KAZN: variants seen among roughly 807,000 people sequenced by gnomAD.
The protein encoded by KAZN is kazrin, periplakin interacting protein.
In KAZN, 40 loss-of-function variants were observed where a neutral mutation model predicts 87.4. The observed-to-expected ratio is 0.46, with a 90% CI of 0.36 to 0.60. KAZN has a LOEUF of 0.60. KAZN is among the 20% of genes least tolerant of loss of function. The pLI, the probability that KAZN is intolerant of heterozygous loss-of-function variation, is 0.00. For synonymous variants in KAZN, 466 were observed against 458.3 expected (o/e 1.02, Z -0.22); for missense variants, 898 against 1,073.9 (o/e 0.84, Z 2.29).
intron 3 of KAZN, among the ~76,000 whole-genome samples, chr1:15,037,290 G>T (rs1672436528): frequency 6.6e-6 from 1 of 152,204 alleles, no homozygotes; most frequent in South Asian, 2.1e-4. Context: ...GTGACGTGCT[G>T]GCCCTGGGGC....
At chr1:14,754,524 T>G (rs1484813749) in intron 1 of KAZN, among the ~76,000 whole-genome samples, 1 of 151,998 alleles carries the variant, frequency 6.6e-6, no homozygotes, top group Admixed American at 6.6e-5. Context: ...CCCCAGCTAC[T>G]TGGGAGGCTG....
At chr1:14,400,701 C>T (rs1160315055) in intron 2 of KAZN, among the ~76,000 whole-genome samples, 1 of 152,182 alleles carries the variant, frequency 6.6e-6, no homozygotes, top group Non-Finnish European at 1.5e-5. Flanking sequence ...CCCTCAATAA[C>T]CATTGTTGCC....
chr1:15,062,113 G>A (rs1186718374), intron 6 of KAZN: 1 of 152,202 alleles, frequency 6.6e-6, no homozygotes, highest in East Asian at 1.9e-4. Flanking sequence ...CAGAAATGCT[G>A]CTGGAAAAAC....
chr1:14,707,587 T>A (rs1486772951), intron 1 of KAZN, among the ~76,000 whole-genome samples: 1 of 152,218 alleles, frequency 6.6e-6, no homozygotes, highest in Non-Finnish European at 1.5e-5. Flanking sequence ...CAGCTCACCC[T>A]GTAATGCTAC....
At chr1:13,947,845 T>G (rs903695959) in intron 1 of KAZN, among the ~76,000 whole-genome samples, 1 of 152,204 alleles carries the variant, frequency 6.6e-6, no homozygotes, top group Non-Finnish European at 1.5e-5. Flanking sequence ...CCAGTCATGT[T>G]GGATCAGAGC....
intron 2 of KAZN, among the ~76,000 whole-genome samples, chr1:14,967,885 A>G (rs1296874769): frequency 6.6e-6 from 1 of 152,168 alleles, no homozygotes; most frequent in Non-Finnish European, 1.5e-5. Flanking sequence ...CTATAAGAAC[A>G]TTCATTTGTA....
intron 1 of KAZN, among the ~76,000 whole-genome samples, chr1:14,910,176 C>A (rs1657094957): frequency 6.6e-6 from 1 of 152,334 alleles, no homozygotes; most frequent in South Asian, 2.1e-4. Context: ...GATCTCCTGA[C>A]TGGCTGCTCT....
chr1:14,375,819 C>T (rs1021269269), intron 2 of KAZN, among the ~76,000 whole-genome samples: 8 of 152,006 alleles, frequency 5.3e-5, no homozygotes, highest in East Asian at 3.9e-4. Flanking sequence ...ACCCGGGAGG[C>T]GGAGCTTGCA....
chr1:14,051,516 A>G (rs1642328143), intron 1 of KAZN, among the ~76,000 whole-genome samples: 1 of 152,240 alleles, frequency 6.6e-6, no homozygotes. Context: ...GTATTGAATT[A>G]TCTGTTTCTC....
chr1:14,833,465 T>G (rs1647111702), intron 1 of KAZN, among the ~76,000 whole-genome samples: 1 of 152,182 alleles, frequency 6.6e-6, no homozygotes, highest in Non-Finnish European at 1.5e-5. Flanking sequence ...TAGGGTACAT[T>G]GTTGAGCAGT....
intron 1 of KAZN, among the ~76,000 whole-genome samples, chr1:14,132,382 G>C (rs1645010269): frequency 6.6e-6 from 1 of 152,118 alleles, no homozygotes; most frequent in African/African-American, 2.4e-5. Flanking sequence ...CTAGGAACTG[G>C]GTGCCCTGGC....
chr1:14,641,175 T>A (rs1680381803), intron 1 of KAZN, among the ~76,000 whole-genome samples: 2 of 152,100 alleles, frequency 1.3e-5, no homozygotes, highest in Admixed American at 1.3e-4. Flanking sequence ...TCAAACCATA[T>A]GATTTTATCC....
intron 2 of KAZN, among the ~76,000 whole-genome samples, chr1:14,452,915 G>T (rs1196270062): frequency 2.0e-5 from 3 of 152,140 alleles, no homozygotes; most frequent in Non-Finnish European, 1.5e-5. Context: ...GAATTAATGT[G>T]TTCCAATCCA....
At chr1:14,941,832 G>A (rs1477632757) in intron 1 of KAZN, among the ~76,000 whole-genome samples, 1 of 152,142 alleles carries the variant, frequency 6.6e-6, no homozygotes, top group African/African-American at 2.4e-5. Context: ...CCTCTTGTCT[G>A]GCTTCCTGGG....
intron 1 of KAZN, among the ~76,000 whole-genome samples, chr1:14,881,465 C>T (rs534773327): frequency 1.3e-5 from 2 of 152,334 alleles, no homozygotes; most frequent in South Asian, 2.1e-4. Context: ...GTGACCCGTA[C>T]CATTGGAACT....
intron 1 of KAZN, among the ~76,000 whole-genome samples, chr1:14,074,228 C>T (rs1643356434): frequency 6.6e-6 from 1 of 152,136 alleles, no homozygotes; most frequent in African/African-American, 2.4e-5. Flanking sequence ...CGTCTGAACT[C>T]CACAATAGTC....
At chr1:14,280,383 A>G (rs1014480539) in intron 2 of KAZN, among the ~76,000 whole-genome samples, 6 of 150,374 alleles carry the variant, frequency 4.0e-5, no homozygotes, top group African/African-American at 1.5e-4. Context: ...AAAAAAAAAA[A>G]AAAAAAAAAA....
intron 1 of KAZN, among the ~76,000 whole-genome samples, chr1:14,753,380 T>A (rs927862368): frequency 6.6e-6 from 1 of 152,132 alleles, no homozygotes; most frequent in African/African-American, 2.4e-5. Context: ...TGGGGTTTTA[T>A]CTGGGGAGGA....
At chr1:14,183,462 G>T (rs1344457242) in intron 2 of KAZN, among the ~76,000 whole-genome samples, 1 of 152,022 alleles carries the variant, frequency 6.6e-6, no homozygotes, top group Admixed American at 6.6e-5. Flanking sequence ...TAGTTTGCAG[G>T]CCCCCAAATT....
Sources: allele counts gnomAD v4.1 joint callset (sites outside exome capture counted in the v4.1 genomes callset), GRCh38; gene constraint gnomAD v4.1.1; transcripts MANE v1.5; gene names NCBI Gene and HGNC (gene_info 2026-07-23, HGNC 2026-07-21).